The following XPNPEP2 variants were observed in gnomAD, a reference collection of about 807,000 sequenced individuals.
XPNPEP2 encodes the protein xaa-Pro aminopeptidase 2.
Under a neutral mutation model 59.8 loss-of-function variants are expected in XPNPEP2, and 64 were observed. The ratio of observed to expected loss-of-function variants is 1.07; its 90% CI spans 0.87 to 1.32. The LOEUF (loss-of-function observed/expected upper bound fraction) is 1.32, where lower values mean the gene tolerates loss of function less well. XPNPEP2 is among the 40% of genes most tolerant of loss of function. The probability of loss-of-function intolerance (pLI) is 0.00; values close to 1 mark genes in which losing one functional copy is unlikely to be tolerated. For missense variants in XPNPEP2, 575 were observed against 546.8 expected (o/e 1.05, Z -0.51); for synonymous variants, 235 against 210.0 (o/e 1.12, Z -1.03).
chrX:129,751,735 C>G lies in XPNPEP2; in HGVS notation c.740-10C>G, dbSNP rs754114576. On this transcript the variant is annotated splice_polypyrimidine_tract_variant and intron_variant, in intron 8 of 20. Coordinates refer to ENST00000371106, the MANE Select transcript of XPNPEP2 (RefSeq NM_003399.6). ...CAGCATTAAATATTCCTTGTCAATT[C>G]TCTTCCCAGGGCTCTTCAACCTTCG... is the stretch of plus-strand genomic sequence containing the variant. 8 of 1,202,052 alleles carry G rather than the reference C, an allele frequency of 6.7e-6. No homozygotes were observed. Among genetic ancestry groups the G allele is most frequent in the Non-Finnish European group, 7.9e-6 (7 of 888,662 alleles).
intron 19 of XPNPEP2, among the ~76,000 whole-genome samples, chrX:129,765,001 A>G (rs781520941): frequency 9.9e-5 from 11 of 111,564 alleles, no homozygotes; most frequent in African/African-American, 2.3e-4. Context: ...AAGAGAAGGG[A>G]AAAAAAAGTC....
intron 3 of XPNPEP2, among the ~76,000 whole-genome samples, chrX:129,744,633 T>C (rs1188452675): frequency 8.9e-6 from 1 of 112,142 alleles, no homozygotes; most frequent in Non-Finnish European, 1.9e-5. Context: ...TTGTTTAAAT[T>C]AATTTTCCCA....
At chrX:129,757,037 CAT>C (rs1164163326) in intron 14 of XPNPEP2, among the ~76,000 whole-genome samples, 91 of 92,733 alleles carry the variant, frequency 9.8e-4, no homozygotes, top group Middle Eastern at 5.3e-3. Flanking sequence ...CACACACACA[CAT>C]ATATATATAC....
At chrX:129,744,538 C>T (rs1226362970) in intron 3 of XPNPEP2, among the ~76,000 whole-genome samples, 2 of 111,743 alleles carry the variant, frequency 1.8e-5, no homozygotes, top group Non-Finnish European at 3.8e-5. Context: ...CCCACCGTTT[C>T]CCCTCACTAG....
Position 129,745,236 on chromosome X carries a change from G to C in XPNPEP2, c.268G>C (p.Ala90Pro), listed in dbSNP as rs1361792379. ...CATCGGCCAACATGACGAGAGGCGT[G>C]CGTGGATTACAGGCTTTACAGGGTC... is the stretch of plus-strand genomic sequence containing the variant. ...EYIGQHDERR[A>P]WITGFTGSAG... Residue 90 changes from alanine (A) to proline (P), a missense_variant, in exon 4 of 21, where the codon GCG becomes CCG. Ala to Pro is a conservative substitution (Grantham distance 27, BLOSUM62 -1). Coordinates refer to ENST00000371106, the MANE Select transcript of XPNPEP2 (RefSeq NM_003399.6). 4 of 1,209,791 alleles carry C rather than the reference G, an allele frequency of 3.3e-6. No homozygotes were observed. The African/African-American group carries it at 7.0e-5, about 21-fold the overall frequency.
chrX:129,740,657 G>C (rs764439336), intron 1 of XPNPEP2, among the ~76,000 whole-genome samples: 5 of 105,956 alleles, frequency 4.7e-5, no homozygotes, highest in African/African-American at 1.7e-4. Flanking sequence ...GGCGCGGGGG[G>C]CGTTGGGCGC....
intron 8 of XPNPEP2, among the ~76,000 whole-genome samples, chrX:129,751,040 T>C (rs1279286122): frequency 9.1e-6 from 1 of 109,492 alleles, no homozygotes; most frequent in Non-Finnish European, 1.9e-5. Flanking sequence ...GCTAAGTATC[T>C]GCATTTTTCT....
rs781406502 is a variant in XPNPEP2, at chrX:129,745,958, C to T, written c.299-278C>T. Among the ~76,000 whole-genome samples the T allele has an allele frequency of 3.6e-5, 4 of 111,388 alleles. No homozygotes were observed. The East Asian group carries it at 1.1e-3, about 32-fold the overall frequency. On this transcript the variant is annotated intron_variant, in intron 4 of 20. Transcript: ENST00000371106. ...CGCTGAGCCCCATCTTTCCTGAGAG[C>T]GCCTACATGCAGCCAAAAGTTGACC...
Position 129,759,092 on chromosome X carries a change from C to A in XPNPEP2, c.1368-88C>A. 3.6e-6 allele frequency: 4 copies of A among 1,096,146 alleles called. No individual in the cohort carries two copies. The South Asian group carries it at 7.4e-5, about 20-fold the overall frequency. The allele number at this position is 1,096,146 out of a possible 1,213,427, so 90.3% of individuals were successfully genotyped here. A position where few individuals can be genotyped will look rare whatever the true frequency, so the allele number is the denominator to read the frequency against. Reference sequence around the variant, plus strand: ...TCGCCGTCCACCCATCCCATCCCAGCCCTGCCACTTGTGGAAAGCACACAG... The same window carrying A: ...TCGCCGTCCACCCATCCCATCCCAGACCTGCCACTTGTGGAAAGCACACAG... On this transcript the variant is annotated intron_variant, in intron 14 of 20. Coordinates refer to ENST00000371106, the MANE Select transcript of XPNPEP2 (RefSeq NM_003399.6).
chrX:129,761,204 T>C lies in XPNPEP2; in HGVS notation c.1531T>C (p.Leu511=), dbSNP rs147200581. ...RMVEAFARRA[L]WDAGLNYGHG... Reference sequence around the variant, plus strand: ...GGTGGAGGCCTTTGCCCGCAGAGCCTTGTGGGATGCTGGTCTCAATTATGG... The same window carrying C: ...GGTGGAGGCCTTTGCCCGCAGAGCCCTGTGGGATGCTGGTCTCAATTATGG... Residue 511 remains leucine (L), a synonymous_variant, in exon 17 of 21, where the codon TTG becomes CTG. Coordinates refer to ENST00000371106, the MANE Select transcript of XPNPEP2 (RefSeq NM_003399.6). The C allele has an allele frequency of 4.1e-6, 5 of 1,210,520 alleles. No homozygotes were observed. Among genetic ancestry groups the C allele is most frequent in the Non-Finnish European group, 5.6e-6 (5 of 895,294 alleles).
At position 129,768,460 on chromosome X, in the gene XPNPEP2, T is replaced by C; in HGVS notation, c.2000T>C (p.Leu667Pro). Residue 667 changes from leucine (L) to proline (P), a missense_variant, in exon 21 of 21, where the codon CTT becomes CCT. Coordinates refer to ENST00000371106, the MANE Select transcript of XPNPEP2 (RefSeq NM_003399.6). ...GCCTCTGTGTTAGTGGTCTCCACCC[T>C]TGCCATCCTTGGCTGGAGTGTCTAG... The part of the protein sequence containing the change: ...SWASVLVVST[L>P]AILGWSV 1 of 1,186,879 alleles carries C rather than the reference T, an allele frequency of 8.4e-7. No individual in the cohort carries two copies. The highest frequency in any genetic ancestry group is 1.1e-6 in the Non-Finnish European group (1 of 884,559).
chrX:129,741,140 A>C (rs1926171073), intron 1 of XPNPEP2, among the ~76,000 whole-genome samples: 1 of 91,395 alleles, frequency 1.1e-5, no homozygotes, highest in Admixed American at 1.2e-4. Flanking sequence ...GGCACACAGT[A>C]GGCGCTTAGG....
At chrX:129,755,786 AG>A (rs1926506839) in intron 13 of XPNPEP2, among the ~76,000 whole-genome samples, 1 of 112,748 alleles carries the variant, frequency 8.9e-6, no homozygotes, top group Non-Finnish European at 1.9e-5. Context: ...CCTGATGAAA[AG>A]CTGACCAGCT....
chrX:129,766,022 T>C (rs1193099048), intron 19 of XPNPEP2, among the ~76,000 whole-genome samples: 1 of 112,339 alleles, frequency 8.9e-6, no homozygotes. Context: ...TGCTTTTTCA[T>C]GTCCTTTGCC....
chrX:129,750,276 C>T (rs1198216171), intron 7 of XPNPEP2, among the ~76,000 whole-genome samples, 192 bp from the exon 8 acceptor site: 1 of 112,528 alleles, frequency 8.9e-6, no homozygotes, highest in Non-Finnish European at 1.9e-5. Flanking sequence ...ATGGCAAAGC[C>T]AGGATTTGAG....
At chrX:129,765,548 G>A (rs1433353756) in intron 19 of XPNPEP2, among the ~76,000 whole-genome samples, 2 of 110,203 alleles carry the variant, frequency 1.8e-5, no homozygotes, top group Admixed American at 9.7e-5. Context: ...GAGAATCATC[G>A]AAGTCACTAA....
At chrX:129,747,822 G>A in intron 7 of XPNPEP2, 69 bp downstream of exon 7, 1 of 1,195,974 alleles carries the variant, frequency 8.4e-7, no homozygotes, top group Middle Eastern at 2.3e-4. Context: ...TTCCGTAGGT[G>A]GCAAACTTCA....
At position 129,756,471 on chromosome X, in the gene XPNPEP2, C is replaced by A. The variant is rs1045656453; in HGVS notation, c.1296-13C>A. 5.8e-6 allele frequency: 7 copies of A among 1,209,097 alleles called. No individual in the cohort carries two copies. The highest frequency in any genetic ancestry group is 7.8e-6 in the Non-Finnish European group (7 of 894,434). ...GTTAGGCTGCCCTTCTCAACATTCT[C>A]TCCCCTTCTCAGCCCGACCAAGGAG... is the stretch of plus-strand genomic sequence containing the variant. On this transcript the variant is annotated splice_polypyrimidine_tract_variant and intron_variant, in intron 13 of 20. Coordinates refer to ENST00000371106, the MANE Select transcript of XPNPEP2 (RefSeq NM_003399.6).
At chrX:129,759,676 G>A (rs747631516) in intron 15 of XPNPEP2, among the ~76,000 whole-genome samples, 1 of 112,986 alleles carries the variant, frequency 8.9e-6, no homozygotes, top group African/African-American at 3.2e-5. Flanking sequence ...AGAGGGCCCT[G>A]GGGGTGGAGC....
Sources: gnomAD v4.1 joint callset for allele counts (sites outside exome capture counted in the v4.1 genomes callset) on GRCh38, gnomAD v4.1.1 for gene constraint, MANE v1.5 for transcripts, NCBI Gene and HGNC (gene_info 2026-07-23, HGNC 2026-07-21) for gene names.